NSL1: variants seen among roughly 807,000 people sequenced by gnomAD.
NSL1 encodes the protein kinetochore-associated protein NSL1 homolog.
In NSL1, 11 loss-of-function variants were observed where a neutral mutation model predicts 25.4. The ratio of observed to expected loss-of-function variants is 0.43; its 90% CI spans 0.27 to 0.72. The LOEUF (loss-of-function observed/expected upper bound fraction) is 0.72, where lower values mean the gene tolerates loss of function less well. NSL1 is among the 30% of genes least tolerant of loss of function. NSL1 has a pLI of 0.19. For synonymous variants in NSL1, 118 were observed against 120.6 expected (o/e 0.98, Z 0.14); for missense variants, 330 against 342.7 (o/e 0.96, Z 0.29).
chr1:212,764,029 C>G, intron 4 of NSL1: 1 of 440,924 alleles, frequency 2.3e-6, no homozygotes, highest in Non-Finnish European at 4.5e-6. Flanking sequence ...TATGATGGGC[C>G]ACAAAATAAG....
intron 4 of NSL1, among the ~76,000 whole-genome samples, chr1:212,779,217 G>C (rs532568200): frequency 5.3e-5 from 8 of 150,940 alleles, no homozygotes; most frequent in African/African-American, 1.9e-4. Context: ...CAGCCGCCCC[G>C]TCTGGGAGGG....
Position 212,730,204 on chromosome 1 carries a change from C to G in NSL1, c.*8204G>C, listed in dbSNP as rs1457174739. The G allele has an allele frequency of 1.0e-6, 1 of 955,154 alleles. No individual in the cohort carries two copies. The highest frequency in any genetic ancestry group is 1.2e-6 in the Non-Finnish European group (1 of 814,860). The allele number at this position is 955,154 out of a possible 1,614,324, so 59.2% of individuals were successfully genotyped here. The stretch of plus-strand genomic sequence containing the variant: ...GGTGGAGGTTGCAGTGAGTTGAGAT[C>G]GCTCCACTACACTCCAGCCTGGGTG... On this transcript the variant is annotated 3_prime_UTR_variant, in exon 6 of 6. Transcript: ENST00000366977.
chr1:212,756,290 T>G (rs968267071), intron 4 of NSL1, among the ~76,000 whole-genome samples: 2 of 152,060 alleles, frequency 1.3e-5, no homozygotes, highest in African/African-American at 4.8e-5. Context: ...TGGCTAATTT[T>G]TGTATTTTTT....
intron 4 of NSL1, among the ~76,000 whole-genome samples, chr1:212,748,862 C>A (rs1658929231): frequency 6.6e-6 from 1 of 152,062 alleles, no homozygotes; most frequent in South Asian, 2.1e-4. Flanking sequence ...CCAAGTAAAA[C>A]ACTTCTAAAT....
rs569019143 is a variant in NSL1 at position 212,753,829 on chromosome 1, T to C, written c.500-14228A>G. Among the ~76,000 whole-genome samples, 5 of 152,258 alleles carry C rather than the reference T, an allele frequency of 3.3e-5. No individual in the cohort carries two copies. The South Asian group carries it at 8.3e-4, about 25-fold the overall frequency. ...TACTTATAAGCTGTAACAAGTACTA[T>C]TAAGGAAATAAACAGGTGTCATGAT... is the stretch of plus-strand genomic sequence containing the variant. On this transcript the variant is annotated intron_variant, in intron 4 of 5. Coordinates refer to ENST00000366977, the MANE Select transcript of NSL1 (RefSeq NM_015471.4).
At position 212,737,814 on chromosome 1, in the gene NSL1, T is replaced by C; in HGVS notation, c.*594A>G. The C allele has an allele frequency of 1.0e-6, 1 of 985,452 alleles. No homozygotes were observed. Among genetic ancestry groups the C allele is most frequent in the African/African-American group, 1.7e-5 (1 of 57,372 alleles). 61.0% of individuals were successfully genotyped at this position (985,452 alleles called of 1,614,324 possible). ...AATGTTGCACAAATAATAGTTATCATTGTCTTACACAACAAAAAATCCTAA... is the reference window on the plus strand; with the variant it reads ...AATGTTGCACAAATAATAGTTATCACTGTCTTACACAACAAAAAATCCTAA... On this transcript the variant is annotated 3_prime_UTR_variant, in exon 6 of 6. Coordinates refer to ENST00000366977, the MANE Select transcript of NSL1 (RefSeq NM_015471.4).
At chr1:212,738,728 T>C in intron 5 of NSL1, 42 bp from the exon 6 acceptor site, 5 of 1,537,458 alleles carry the variant, frequency 3.3e-6, no homozygotes, top group Non-Finnish European at 4.4e-6. Context: ...TAATCTCAGG[T>C]TGAAACACAA....
At chr1:212,746,739 G>C (rs772449395) in intron 4 of NSL1, among the ~76,000 whole-genome samples, 1 of 152,232 alleles carries the variant, frequency 6.6e-6, no homozygotes, top group African/African-American at 2.4e-5. Context: ...ACAACTTTAT[G>C]AATGTGCTGC....
intron 4 of NSL1, among the ~76,000 whole-genome samples, chr1:212,780,362 A>G (rs1025714176): frequency 6.6e-6 from 1 of 151,720 alleles, no homozygotes; most frequent in Non-Finnish European, 1.5e-5. Flanking sequence ...GGACACAAAC[A>G]CTGCGGAAGG....
In NSL1 at chr1:212,730,182, G is replaced by A. The variant is rs927351158; in HGVS notation, c.*8226C>T. ...TGAGAACCTCTTGAACCTGGGAGGT[G>A]GAGGTTGCAGTGAGTTGAGATCGCT... On this transcript the variant is annotated 3_prime_UTR_variant, in exon 6 of 6. Transcript: ENST00000366977. The A allele has an allele frequency of 1.1e-5, 10 of 943,626 alleles. No homozygotes were observed. The highest frequency in any genetic ancestry group is 1.3e-5 in the Non-Finnish European group (10 of 795,308). The allele number at this position is 943,626 out of a possible 1,614,324, so 58.5% of individuals were successfully genotyped here.
At chr1:212,741,648 C>A (rs1658513142) in intron 4 of NSL1, among the ~76,000 whole-genome samples, 1 of 152,184 alleles carries the variant, frequency 6.6e-6, no homozygotes, top group South Asian at 2.1e-4. Context: ...ATGCCAGCAT[C>A]ATGCTTCCTG....
chr1:212,776,427 A>T (rs1199107249), intron 4 of NSL1, among the ~76,000 whole-genome samples: 1 of 151,622 alleles, frequency 6.6e-6, no homozygotes, highest in Non-Finnish European at 1.5e-5. Flanking sequence ...GGTGGCTTGC[A>T]CCTATAGTCC....
intron 4 of NSL1, among the ~76,000 whole-genome samples, chr1:212,776,190 C>G (rs1045951708): frequency 5.9e-5 from 9 of 151,938 alleles, no homozygotes; most frequent in African/African-American, 2.2e-4. Context: ...ATGGTGAATC[C>G]CTGTATCTAC....
intron 4 of NSL1, among the ~76,000 whole-genome samples, chr1:212,743,898 G>A (rs954530322): frequency 6.6e-6 from 1 of 152,182 alleles, no homozygotes; most frequent in African/African-American, 2.4e-5. Flanking sequence ...AGATAACAGA[G>A]TAGACTCTGC....
chr1:212,766,599 C>T (rs1349986481), intron 4 of NSL1, among the ~76,000 whole-genome samples: 2 of 149,282 alleles, frequency 1.3e-5, no homozygotes, highest in Non-Finnish European at 3.0e-5. Flanking sequence ...GAGCCGAGAT[C>T]GTGCCACTGC....
At chr1:212,777,417 C>A (rs1255145013) in intron 4 of NSL1, among the ~76,000 whole-genome samples, 1 of 150,686 alleles carries the variant, frequency 6.6e-6, no homozygotes, top group African/African-American at 2.4e-5. Flanking sequence ...AAAAAAGGAA[C>A]AATCTAAGTT....
At chr1:212,741,027 G>A (rs1658478715) in intron 4 of NSL1, among the ~76,000 whole-genome samples, 1 of 152,170 alleles carries the variant, frequency 6.6e-6, no homozygotes, top group South Asian at 2.1e-4. Context: ...GGAAGGAAAT[G>A]CTAAATTTCA....
chr1:212,748,906 A>C (rs1218859397), intron 4 of NSL1, among the ~76,000 whole-genome samples: 2 of 152,208 alleles, frequency 1.3e-5, no homozygotes, highest in African/African-American at 4.8e-5. Context: ...AATATTTTTA[A>C]AAATACAATA....
At chr1:212,741,482 A>C (rs1658505147) in intron 4 of NSL1, among the ~76,000 whole-genome samples, 3 of 152,192 alleles carry the variant, frequency 2.0e-5, no homozygotes, top group Admixed American at 2.0e-4. Context: ...GTGTTATGAT[A>C]GTGAGTGAGT....
Sources: gnomAD v4.1 joint callset for allele counts (sites outside exome capture counted in the v4.1 genomes callset) on GRCh38, gnomAD v4.1.1 for gene constraint, MANE v1.5 for transcripts, NCBI Gene and HGNC (gene_info 2026-07-23, HGNC 2026-07-21) for gene names.